GRIK2: variants seen among roughly 807,000 people sequenced by gnomAD.
GRIK2 encodes the protein glutamate ionotropic receptor kainate type subunit 2.
In GRIK2, 32 loss-of-function variants were observed where a neutral mutation model predicts 100.3. The observed-to-expected ratio is 0.32, with a 90% CI of 0.24 to 0.43. The LOEUF (loss-of-function observed/expected upper bound fraction) is 0.43, where lower values mean the gene tolerates loss of function less well. Ranked by LOEUF, GRIK2 falls within the 20% of genes least tolerant of loss-of-function variation. The probability of loss-of-function intolerance (pLI) is 1.00; values close to 1 mark genes in which losing one functional copy is unlikely to be tolerated. For synonymous variants in GRIK2, 417 were observed against 389.4 expected (o/e 1.07, Z -0.83); for missense variants, 843 against 1,114.9 (o/e 0.76, Z 3.47).
At chr6:101,830,776 A>T (rs1253568178) in intron 10 of GRIK2, among the ~76,000 whole-genome samples, 2 of 152,044 alleles carry the variant, frequency 1.3e-5, no homozygotes, top group Non-Finnish European at 2.9e-5. Context: ...GGGAATGCTA[A>T]TTAGTTCAGC....
At chr6:101,578,111 C>T (rs1777875312) in intron 2 of GRIK2, among the ~76,000 whole-genome samples, 1 of 152,152 alleles carries the variant, frequency 6.6e-6, no homozygotes, top group African/African-American at 2.4e-5. Context: ...ACCCTAGAAG[C>T]CATTGGCTAT....
intron 2 of GRIK2, among the ~76,000 whole-genome samples, chr6:101,583,555 A>G (rs1778205976): frequency 6.6e-6 from 1 of 152,146 alleles, no homozygotes; most frequent in African/African-American, 2.4e-5. Flanking sequence ...AGCTTCCTCA[A>G]CTATGATGCA....
chr6:101,592,257 C>A (rs1358906729), intron 2 of GRIK2, among the ~76,000 whole-genome samples: 1 of 151,776 alleles, frequency 6.6e-6, no homozygotes, highest in South Asian at 2.1e-4. Flanking sequence ...AATTGGAAAG[C>A]AGACTATGAA....
At chr6:101,513,350 A>G (rs1205235266) in intron 2 of GRIK2, among the ~76,000 whole-genome samples, 4 of 152,300 alleles carry the variant, frequency 2.6e-5, no homozygotes, top group East Asian at 1.9e-4. Flanking sequence ...GTGCAGCACA[A>G]AGTTCTTTTG....
At chr6:101,695,526 T>A (rs1267488798) in intron 7 of GRIK2, among the ~76,000 whole-genome samples, 2 of 151,090 alleles carry the variant, frequency 1.3e-5, no homozygotes, top group African/African-American at 2.4e-5. Flanking sequence ...TACCTATATT[T>A]ATCTATGTAC....
At chr6:101,775,517 A>G (rs972624409) in intron 7 of GRIK2, among the ~76,000 whole-genome samples, 4 of 119,958 alleles carry the variant, frequency 3.3e-5, no homozygotes, top group Admixed American at 3.1e-4. Context: ...TTATATATAT[A>G]TGTGTGTATA....
intron 2 of GRIK2, among the ~76,000 whole-genome samples, chr6:101,415,812 G>T (rs1465278483): frequency 1.3e-5 from 2 of 152,128 alleles, no homozygotes; most frequent in African/African-American, 4.8e-5. Flanking sequence ...TGAGCAATAT[G>T]ATTGGAATAT....
At chr6:101,995,156 A>G (rs917153109) in intron 14 of GRIK2, among the ~76,000 whole-genome samples, 1 of 151,996 alleles carries the variant, frequency 6.6e-6, no homozygotes, top group African/African-American at 2.4e-5. Flanking sequence ...CTCAGGTTTG[A>G]CATGCCAGCC....
At chr6:101,678,020 G>A (rs1227460761) in intron 5 of GRIK2, among the ~76,000 whole-genome samples, 1 of 152,074 alleles carries the variant, frequency 6.6e-6, no homozygotes, top group Non-Finnish European at 1.5e-5. Flanking sequence ...GAACTCTAGA[G>A]TCAAGATTTA....
rs12333160 is a variant in GRIK2, at chr6:102,038,661, A to C, written c.2311+3095A>C. On this transcript the variant is annotated intron_variant, in intron 15 of 16. Coordinates refer to ENST00000369134, the MANE Select transcript of GRIK2 (RefSeq NM_021956.5). ...TGTACTTAATTATAAACAACAACAA[A>C]AAAAAGGAATTCATTAAGGTGTGAA... 7.3e-3 allele frequency among the ~76,000 whole-genome samples: 1,097 copies of C among 151,244 alleles called. 15 individuals carry two copies. Among genetic ancestry groups the C allele is most frequent in the African/African-American group, 0.025 (1,050 of 41,252 alleles).
At chr6:101,563,192 T>C (rs1777105193) in intron 2 of GRIK2, among the ~76,000 whole-genome samples, 1 of 152,194 alleles carries the variant, frequency 6.6e-6, no homozygotes, top group Non-Finnish European at 1.5e-5. Flanking sequence ...AACTGAGGCA[T>C]GAAGGATAAG....
At chr6:102,042,532 C>T (rs943868088) in intron 15 of GRIK2, among the ~76,000 whole-genome samples, 1 of 151,580 alleles carries the variant, frequency 6.6e-6, no homozygotes, top group Non-Finnish European at 1.5e-5. Context: ...GCAAAAGGGA[C>T]TTCAGCAATA....
intron 10 of GRIK2, among the ~76,000 whole-genome samples, chr6:101,833,806 G>A (rs1348538332): frequency 6.6e-6 from 1 of 151,806 alleles, no homozygotes; most frequent in African/African-American, 2.4e-5. Context: ...ATTATATTTA[G>A]GTATATTCAC....
rs369166991 is a variant in GRIK2, at chr6:101,870,089, A to C, written c.1524+10596A>C. Among the ~76,000 whole-genome samples, 11 of 152,086 alleles carry C rather than the reference A, an allele frequency of 7.2e-5. No individual in the cohort carries two copies. The East Asian group carries it at 1.9e-3, about 27-fold the overall frequency. On this transcript the variant is annotated intron_variant, in intron 11 of 16. Coordinates refer to ENST00000369134, the MANE Select transcript of GRIK2 (RefSeq NM_021956.5). Reference sequence around the variant, plus strand: ...GCATTAAACTATCCTTTATGTCCTTATATTTTCACTTCCATGAAAATGAAT... The same window carrying C: ...GCATTAAACTATCCTTTATGTCCTTCTATTTTCACTTCCATGAAAATGAAT...
chr6:101,452,083 C>T (rs62419588), intron 2 of GRIK2, among the ~76,000 whole-genome samples: 2,344 of 151,752 alleles, frequency 0.015, 25 homozygotes, highest in Non-Finnish European at 0.026. Context: ...ACATGGAGGA[C>T]ATGTTTCTTA....
intron 7 of GRIK2, among the ~76,000 whole-genome samples, chr6:101,743,699 T>G (rs1776192697): frequency 6.6e-6 from 1 of 152,034 alleles, no homozygotes; most frequent in Non-Finnish European, 1.5e-5. Context: ...ACAAGTGCCC[T>G]ATGTAGTATG....
At chr6:101,402,617 C>G (rs918487652) in intron 2 of GRIK2, among the ~76,000 whole-genome samples, 20 of 152,204 alleles carry the variant, frequency 1.3e-4, no homozygotes, top group South Asian at 6.2e-4. Flanking sequence ...TGTCACCCCG[C>G]CTTTGATCCT....
intron 14 of GRIK2, among the ~76,000 whole-genome samples, chr6:101,965,015 G>C (rs1792568128): frequency 1.3e-5 from 2 of 152,092 alleles, no homozygotes; most frequent in African/African-American, 2.4e-5. Context: ...TGGTCTGCTA[G>C]GCAGGAGAGA....
intron 7 of GRIK2, among the ~76,000 whole-genome samples, chr6:101,766,944 C>G (rs1778078750): frequency 6.6e-6 from 1 of 152,124 alleles, no homozygotes; most frequent in African/African-American, 2.4e-5. Context: ...TTGTAGGTGT[C>G]CAAAGGGATT....
Sources: gnomAD v4.1 joint callset for allele counts (sites outside exome capture counted in the v4.1 genomes callset) on GRCh38, gnomAD v4.1.1 for gene constraint, MANE v1.5 for transcripts, NCBI Gene and HGNC (gene_info 2026-07-23, HGNC 2026-07-21) for gene names.